TENM1: variants seen among roughly 807,000 people sequenced by gnomAD.
TENM1 encodes teneurin-1.
In TENM1, 35 loss-of-function variants were observed where a neutral mutation model predicts 174.8. The observed-to-expected ratio is 0.20, with a 90% confidence interval of 0.15 to 0.27. The LOEUF is 0.27. Ranked by LOEUF, TENM1 falls within the 10% of genes least tolerant of loss-of-function variation. TENM1 has a pLI of 1.00. For synonymous variants in TENM1, 781 were observed against 798.7 expected, an observed-to-expected ratio of 0.98 and a Z score of 0.37; for missense variants, 1,633 against 2,130.1, an observed-to-expected ratio of 0.77 and a Z score of 4.59.
intron 1 of TENM1, among the ~76,000 whole-genome samples, chrX:124,933,333 C>T (rs2001085): frequency 0.097 from 10,780 of 111,654 alleles, 1,279 homozygotes; most frequent in African/African-American, 0.33. Flanking sequence ...AAGCCCTGTT[C>T]CAACAACCCA....
At chrX:124,887,432 C>T (rs1325238112) in intron 3 of TENM1, among the ~76,000 whole-genome samples, 3 of 111,082 alleles carry the variant, frequency 2.7e-5, no homozygotes, top group Non-Finnish European at 5.7e-5. Context: ...CTGACTGTGT[C>T]TCAAGAGTGA....
chrX:124,527,762 C>T (rs1432462772), intron 16 of TENM1, among the ~76,000 whole-genome samples: 2 of 104,941 alleles, frequency 1.9e-5, no homozygotes, highest in African/African-American at 7.0e-5. Flanking sequence ...AATTCTCCTG[C>T]CTCAGCCACC....
At chrX:124,848,828 A>C (rs780570726) in intron 3 of TENM1, among the ~76,000 whole-genome samples, 1 of 111,870 alleles carries the variant, frequency 8.9e-6, no homozygotes, top group Non-Finnish European at 1.9e-5. Context: ...GAACGCACAT[A>C]TAACATGATC....
At chrX:124,581,780 C>T (rs776926059) in intron 11 of TENM1, among the ~76,000 whole-genome samples, 5 of 111,631 alleles carry the variant, frequency 4.5e-5, no homozygotes, top group Admixed American at 9.5e-5. Context: ...ATTTCCATTT[C>T]GCTGATGATT....
intron 11 of TENM1, among the ~76,000 whole-genome samples, chrX:124,614,855 C>A (rs1182373718): frequency 8.9e-6 from 1 of 111,778 alleles, no homozygotes; most frequent in African/African-American, 3.3e-5. Context: ...TGCACTCCAC[C>A]CTGGGTGATA....
chrX:124,780,311 G>A (rs2054879270), intron 3 of TENM1, among the ~76,000 whole-genome samples: 1 of 112,177 alleles, frequency 8.9e-6, no homozygotes, highest in African/African-American at 3.2e-5. Flanking sequence ...AAGAAAATAT[G>A]GTTGTTAGCT....
chrX:124,563,484 T>C (rs902402824), intron 13 of TENM1, among the ~76,000 whole-genome samples: 1 of 109,597 alleles, frequency 9.1e-6, no homozygotes, highest in African/African-American at 3.3e-5. Flanking sequence ...CAGAACTCAA[T>C]ATAAAGACAA....
the TENM1 span, among the ~76,000 whole-genome samples, chrX:124,977,959 TGTGTGTGTGAGAGA>T: frequency 7.4e-4 from 41 of 55,774 alleles, no homozygotes; most frequent in African/African-American, 2.8e-3. Flanking sequence ...TGTGTGTGTG[TGTGTGTGTGAGAGA>T]GAGAGAGAGA....
intron 3 of TENM1, among the ~76,000 whole-genome samples, chrX:124,752,337 C>T (rs1157646094): frequency 2.7e-5 from 3 of 111,129 alleles, no homozygotes; most frequent in East Asian, 2.8e-4. Flanking sequence ...TTTGATGGGG[C>T]TGTTTGTTTT....
At chrX:124,538,002 G>C (rs2048240486) in intron 15 of TENM1, among the ~76,000 whole-genome samples, 1 of 111,921 alleles carries the variant, frequency 8.9e-6, no homozygotes, top group Non-Finnish European at 1.9e-5. Flanking sequence ...GAAGATCTGT[G>C]TTCTGATTTT....
intron 11 of TENM1, among the ~76,000 whole-genome samples, chrX:124,633,487 T>C (rs2050807777): frequency 8.9e-6 from 1 of 111,852 alleles, no homozygotes; most frequent in African/African-American, 3.2e-5. Flanking sequence ...CATTGTTGCC[T>C]GCTAATAATG....
At chrX:124,725,674 T>C in intron 4 of TENM1, among the ~76,000 whole-genome samples, 1 of 112,416 alleles carries the variant, frequency 8.9e-6, no homozygotes, top group Non-Finnish European at 1.9e-5. Flanking sequence ...TTTTGTGTTA[T>C]GGAGTTAATA....
At position 124,465,349 on chromosome X, in the gene TENM1, C is replaced by T. The variant is rs961305857; in HGVS notation, c.3950-11858G>A. On this transcript the variant is annotated intron_variant, in intron 22 of 31. Coordinates refer to ENST00000422452, the Ensembl canonical transcript of TENM1. Reference sequence around the variant, plus strand: ...CTGCAGCCTCGAACTCCTGGGCTCCCGACATCATTCCCCCTCGGCCTCTCT... The same window carrying T: ...CTGCAGCCTCGAACTCCTGGGCTCCTGACATCATTCCCCCTCGGCCTCTCT... Among the ~76,000 whole-genome samples the T allele has an allele frequency of 6.3e-5, 7 of 111,201 alleles. No individual in the cohort carries two copies. In the East Asian group the frequency reaches 8.4e-4, roughly 13 times the overall value.
At chrX:124,596,462 C>A (rs2049893830) in intron 11 of TENM1, among the ~76,000 whole-genome samples, 2 of 111,784 alleles carry the variant, frequency 1.8e-5, no homozygotes, top group South Asian at 7.4e-4. Flanking sequence ...CATACATACT[C>A]AAAGAAATGT....
intron 11 of TENM1, among the ~76,000 whole-genome samples, chrX:124,599,508 C>G (rs1018910042): frequency 9.0e-6 from 1 of 110,611 alleles, no homozygotes; most frequent in Admixed American, 9.7e-5. Context: ...TGAATGGGGC[C>G]TAAGATTGTG....
At chrX:124,930,505 C>T (rs2058154852) in intron 1 of TENM1, among the ~76,000 whole-genome samples, 1 of 111,796 alleles carries the variant, frequency 8.9e-6, no homozygotes, top group Non-Finnish European at 1.9e-5. Context: ...CGAATTGATA[C>T]TCATGTTGCA....
intron 3 of TENM1, among the ~76,000 whole-genome samples, chrX:124,859,484 C>T (rs953322828): frequency 2.0e-5 from 2 of 101,923 alleles, no homozygotes; most frequent in Non-Finnish European, 3.9e-5. Context: ...GCAGAGGTTG[C>T]GGTGAGCCAA....
intron 11 of TENM1, among the ~76,000 whole-genome samples, chrX:124,575,549 T>A (rs763697676): frequency 7.1e-5 from 8 of 111,976 alleles, no homozygotes; most frequent in Non-Finnish European, 1.5e-4. Context: ...GAATCTAGCA[T>A]GTGAAGATCA....
chrX:124,725,687 G>C, intron 4 of TENM1, among the ~76,000 whole-genome samples: 1 of 112,176 alleles, frequency 8.9e-6, no homozygotes, highest in East Asian at 2.8e-4. Flanking sequence ...AGTTAATACA[G>C]AACCAGCTGG....
Sources: gnomAD v4.1 joint callset for allele counts (sites outside exome capture counted in the v4.1 genomes callset) on GRCh38, gnomAD v4.1.1 for gene constraint, MANE v1.5 for transcripts, NCBI Gene and HGNC (gene_info 2026-07-23, HGNC 2026-07-21) for gene names.